MLPH: variants seen among roughly 807,000 people sequenced by gnomAD.
MLPH encodes exophilin-3.
Under a neutral mutation model 72.1 loss-of-function variants are expected in MLPH, and 51 were observed. That is an observed-to-expected ratio of 0.71 (90% CI 0.56 to 0.89). MLPH has a LOEUF of 0.89. Among genes scored for constraint, MLPH ranks in the 40% least tolerant of loss-of-function variants. The pLI, the probability that MLPH is intolerant of heterozygous loss-of-function variation, is 0.00. For missense variants in MLPH, 743 were observed against 759.9 expected (o/e 0.98, Z 0.26); for synonymous variants, 301 against 310.1 (o/e 0.97, Z 0.31).
intron 7 of MLPH, 125 bp downstream of exon 7, chr2:237,525,930 G>A (rs576841544): frequency 4.4e-5 from 43 of 972,210 alleles, no homozygotes; most frequent in Admixed American, 1.6e-4. Flanking sequence ...TTCCTTTGGC[G>A]TGATTGTCCG....
chr2:237,517,518 G>C (rs2080067219), intron 4 of MLPH, among the ~76,000 whole-genome samples: 1 of 151,838 alleles, frequency 6.6e-6, no homozygotes, highest in Admixed American at 6.6e-5. Context: ...TGAGTGGATG[G>C]ATAAATAGAT....
intron 1 of MLPH, among the ~76,000 whole-genome samples, chr2:237,492,302 C>T (rs1278776250): frequency 6.6e-6 from 1 of 151,992 alleles, no homozygotes; most frequent in Non-Finnish European, 1.5e-5. Flanking sequence ...ACAAACACAG[C>T]ATCACATAGT....
chr2:237,524,158 C>T lies in MLPH; in HGVS notation c.676-1443C>T, dbSNP rs138075092. Among the ~76,000 whole-genome samples, 600 of 151,616 alleles carry T rather than the reference C, an allele frequency of 4.0e-3. 2 individuals carry two copies. Among genetic ancestry groups the T allele is most frequent in the African/African-American group, 0.013 (534 of 41,150 alleles). On this transcript the variant is annotated intron_variant, in intron 6 of 15. Coordinates refer to ENST00000264605, the MANE Select transcript of MLPH (RefSeq NM_024101.7). ...ATTTTTCTATATAAATATTAAGTTG[C>T]GGGAGCCGAAATGCGATTATTAGTA...
At chr2:237,550,119 G>A (rs68142312) in intron 14 of MLPH, among the ~76,000 whole-genome samples, 14,653 of 152,246 alleles carry the variant, frequency 0.096, 1,295 homozygotes, top group East Asian at 0.27. Flanking sequence ...GTTTCAGAGC[G>A]CACCAAGCAG....
intron 8 of MLPH, among the ~76,000 whole-genome samples, chr2:237,528,767 T>C (rs572585631): frequency 8.5e-5 from 13 of 152,168 alleles, no homozygotes; most frequent in Non-Finnish European, 1.9e-4. Flanking sequence ...CAGTCTCCCT[T>C]GTCCCCGGCC....
intron 13 of MLPH, 84 bp downstream of exon 13, chr2:237,546,767 G>A: frequency 1.7e-6 from 2 of 1,172,834 alleles, no homozygotes; most frequent in Non-Finnish European, 2.6e-6. Context: ...AAGTCCACGG[G>A]GTGGCAGAGA....
intron 14 of MLPH, among the ~76,000 whole-genome samples, chr2:237,549,907 A>G (rs1395219907): frequency 6.6e-6 from 1 of 152,234 alleles, no homozygotes; most frequent in Non-Finnish European, 1.5e-5. Context: ...CCACAGCTGC[A>G]GTCCTTGCAG....
At position 237,510,715 on chromosome 2, in the gene MLPH, T is replaced by C; in HGVS notation, c.252T>C (p.Cys84=). ...ATAGCAAAAGGCAGTGCCTGGAATG[T>C]GGCCTCTTCACCTGCAAAAGCTGTG... ...LVNSKRQCLE[C]GLFTCKSCGR... is the part of the protein sequence containing the mutation. The change falls in exon 3 of 16, where the codon TGT becomes TGC. Residue 84 remains cysteine (C), a synonymous_variant. Transcript: ENST00000264605. This position sits in a 1 kb window ranked among gnomAD's most constrained non-coding sequence, Gnocchi z 4.4. 1 of 1,613,730 alleles carries C rather than the reference T, an allele frequency of 6.2e-7. No homozygotes were observed. The highest frequency in any genetic ancestry group is 8.5e-7 in the Non-Finnish European group (1 of 1,180,046).
chr2:237,542,456 T>C, intron 11 of MLPH, 111 bp from the exon 12 acceptor site: 1 of 834,936 alleles, frequency 1.2e-6, no homozygotes, highest in African/African-American at 1.7e-5. Context: ...AAAACACAAG[T>C]AAAATTGGCT....
chr2:237,552,793 G>A (rs919019276), intron 15 of MLPH, among the ~76,000 whole-genome samples: 2 of 152,214 alleles, frequency 1.3e-5, no homozygotes, highest in Non-Finnish European at 2.9e-5. Context: ...ATATTGTGAA[G>A]AAAGCAAACC....
intron 2 of MLPH, among the ~76,000 whole-genome samples, chr2:237,500,472 C>T (rs896539960): frequency 5.9e-5 from 9 of 152,202 alleles, no homozygotes; most frequent in East Asian, 1.9e-4. Context: ...TTAATTTAAA[C>T]GTAAATAGCT....
chr2:237,497,190 C>A (rs1420004181), intron 2 of MLPH, among the ~76,000 whole-genome samples: 1 of 152,104 alleles, frequency 6.6e-6, no homozygotes, highest in Admixed American at 6.5e-5. Context: ...TGGCAGGAGG[C>A]GGAGCTCAGG....
At position 237,553,690 on chromosome 2, in the gene MLPH, C is replaced by G. The variant is rs1201228012; in HGVS notation, c.*98C>G. Reference sequence around the variant, plus strand: ...CTCTGTGCTTTCCACTATACACAGTCACCGTCCCAATGAGAAACAAGAAGG... The same window carrying G: ...CTCTGTGCTTTCCACTATACACAGTGACCGTCCCAATGAGAAACAAGAAGG... On this transcript the variant is annotated 3_prime_UTR_variant, in exon 16 of 16. Transcript: ENST00000264605. 2 of 1,525,982 alleles carry G rather than the reference C, an allele frequency of 1.3e-6. No individual in the cohort carries two copies. The highest frequency in any genetic ancestry group is 1.8e-6 in the Non-Finnish European group (2 of 1,099,952). The allele number at this position is 1,525,982 out of a possible 1,614,324, so 94.5% of individuals were successfully genotyped here.
intron 6 of MLPH, among the ~76,000 whole-genome samples, chr2:237,525,381 A>G (rs956384580): frequency 1.3e-5 from 2 of 152,182 alleles, no homozygotes; most frequent in African/African-American, 4.8e-5. Flanking sequence ...AGACACATGC[A>G]ATAGGCAGTC....
chr2:237,545,555 C>G, intron 12 of MLPH: 1 of 1,288,450 alleles, frequency 7.8e-7, no homozygotes, highest in Non-Finnish European at 1.0e-6. Flanking sequence ...ATCATGTTGC[C>G]TCATGTGGAA....
At chr2:237,511,141 C>A (rs1189153605) in intron 4 of MLPH, 40 bp downstream of exon 4, 3 of 1,508,046 alleles carry the variant, frequency 2.0e-6, no homozygotes, top group East Asian at 2.3e-5. Context: ...TGTTCCCAGG[C>A]ATTTTAGGAA....
intron 4 of MLPH, among the ~76,000 whole-genome samples, chr2:237,517,312 CGGAT>C (rs1280749152): frequency 7.0e-5 from 8 of 115,080 alleles, no homozygotes; most frequent in Admixed American, 6.1e-4. Context: ...GATGGATGAA[CGGAT>C]GGATGGATGG....
chr2:237,510,900 C>CGT lies in MLPH; in HGVS notation c.333-65_333-64dup, dbSNP rs71887544. On this transcript the variant is annotated intron_variant, in intron 3 of 15. Coordinates refer to ENST00000264605, the MANE Select transcript of MLPH (RefSeq NM_024101.7). The surrounding 1 kb of genome is among the most constrained non-coding windows in gnomAD (Gnocchi z 4.4). Reference sequence around the variant, plus strand: ...GGGTGGACGCACACATGCACACACTCGTGTGTGTGTGTGTGTGTGTGTGTG... The same window carrying CGT: ...GGGTGGACGCACACATGCACACACTCGTGTGTGTGTGTGTGTGTGTGTGTGTG... The CGT allele has an allele frequency of 0.017, 22,792 of 1,304,778 alleles. 535 individuals are homozygous for CGT. Among genetic ancestry groups the CGT allele is most frequent in the African/African-American group, 0.15 (9,626 of 65,670 alleles). The allele number at this position is 1,304,778 out of a possible 1,614,324, so 80.8% of individuals were successfully genotyped here. A position where few individuals can be genotyped will look rare whatever the true frequency, so the allele number is the denominator to read the frequency against.
At chr2:237,533,999 G>A (rs573997835) in intron 8 of MLPH, among the ~76,000 whole-genome samples, 1 of 152,350 alleles carries the variant, frequency 6.6e-6, no homozygotes, top group African/African-American at 2.4e-5. Context: ...GGGTGAGGAA[G>A]AAAACTAGAA....
Sources: gnomAD v4.1 joint callset for allele counts (sites outside exome capture counted in the v4.1 genomes callset) on GRCh38, gnomAD v4.1.1 for gene constraint, Gnocchi (gnomAD v3.1) non-coding constraint, MANE v1.5 for transcripts, NCBI Gene and HGNC (gene_info 2026-07-23, HGNC 2026-07-21) for gene names.